Variants in DCLRE1C observed in about 807,000 individuals in gnomAD.
DCLRE1C encodes the protein DNA cross-link repair 1C.
DCLRE1C carries 47 observed loss-of-function variants against 61.4 expected under a neutral mutation model. The ratio of observed to expected loss-of-function variants is 0.77; its 90% CI spans 0.61 to 0.98. DCLRE1C has a LOEUF of 0.98. DCLRE1C is among the 50% of genes least tolerant of loss of function. The probability of loss-of-function intolerance (pLI) is 0.00; values close to 1 mark genes in which losing one functional copy is unlikely to be tolerated. For missense variants in DCLRE1C, 858 were observed against 816.0 expected, an observed-to-expected ratio of 1.05 and a Z score of -0.63; for synonymous variants, 337 against 287.6, an observed-to-expected ratio of 1.17 and a Z score of -1.74.
intron 1 of DCLRE1C, 143 bp from the exon 2 acceptor site, chr10:14,949,230 G>A (rs1370979158): frequency 2.3e-5 from 15 of 663,018 alleles, no homozygotes; most frequent in Non-Finnish European, 3.8e-5. Context: ...TGGGCTATGA[G>A]CTCTTTCTTC....
intron 13 of DCLRE1C, among the ~76,000 whole-genome samples, chr10:14,914,494 CAT>C (rs1240500652): frequency 1.3e-5 from 2 of 152,218 alleles, no homozygotes; most frequent in Admixed American, 1.3e-4. Context: ...ACCTGAACAA[CAT>C]TGTCAACTAA....
At position 14,932,922 on chromosome 10, in the gene DCLRE1C, T is replaced by G. The variant is rs757591183; in HGVS notation, c.712A>C (p.Met238Leu). The G allele has an allele frequency of 3.7e-6, 6 of 1,614,258 alleles. No individual in the cohort carries two copies. In the South Asian group the frequency reaches 6.6e-5, roughly 18 times the overall value. Residue 238 changes from methionine (M) to leucine (L), a missense_variant, in exon 9 of 14, where the codon ATG becomes CTG. Around this residue, in one of 2 missense-constraint regions of DCLRE1C, gnomAD observed 843 missense variants for 783.5 expected, o/e 1.08. Transcript: ENST00000378278. ...HVNKLDMFRN[M>L]PEILHHLTTD... ...GTGAGATGATGAAGGATCTCAGGCA[T>G]GTTCCTAAACATGTCTAGCTTATTC... is the stretch of plus-strand genomic sequence containing the variant.
downstream of DCLRE1C, chr10:14,901,175 C>G (rs1284968606): frequency 3.1e-6 from 5 of 1,613,816 alleles, no homozygotes; most frequent in Non-Finnish European, 4.2e-6. Context: ...CATTGATAAC[C>G]TCGATACTCG....
chr10:14,922,316 C>G (rs934599972), intron 12 of DCLRE1C, among the ~76,000 whole-genome samples: 1 of 152,000 alleles, frequency 6.6e-6, no homozygotes, highest in Non-Finnish European at 1.5e-5. Flanking sequence ...TGGCATGCAC[C>G]TGTAGTCACA....
In DCLRE1C at chr10:14,953,997, T is replaced by G; in HGVS notation, c.14A>C (p.Glu5Ala). ...AGTTGGATACTCGGCCATCTGCCCCTCGAAAGAACTCATAGCGCCGCCGAT... is the reference window on the plus strand; with the variant it reads ...AGTTGGATACTCGGCCATCTGCCCCGCGAAAGAACTCATAGCGCCGCCGAT... MSSF[E>A]GQMAEYPTIS... is the part of the protein sequence containing the mutation. The change falls in exon 1 of 14, where the codon GAG becomes GCG. Residue 5 changes from glutamate to alanine, a missense_variant. Around this residue, in one of 2 missense-constraint regions of DCLRE1C, gnomAD observed 15 missense variants for 32.5 expected, o/e 0.46. Transcript: ENST00000378278. 6.2e-7 allele frequency: 1 copy of G among 1,613,928 alleles called. No individual in the cohort carries two copies. The highest frequency in any genetic ancestry group is 8.5e-7 in the Non-Finnish European group (1 of 1,179,888).
intron 13 of DCLRE1C, 65 bp from the exon 14 acceptor site, chr10:14,909,395 C>T: frequency 6.9e-7 from 1 of 1,444,342 alleles, no homozygotes. Context: ...TAGTATTTAT[C>T]TGTACTTTTA....
downstream of DCLRE1C, among the ~76,000 whole-genome samples, chr10:14,899,966 C>T (rs10430783): frequency 0.4 from 60,281 of 151,940 alleles, 13,524 homozygotes; most frequent in African/African-American, 0.61. Flanking sequence ...GTAGGTATTA[C>T]TTTCATATTA....
intron 6 of DCLRE1C, among the ~76,000 whole-genome samples, chr10:14,935,185 G>A (rs1318518097): frequency 3.3e-5 from 5 of 151,984 alleles, no homozygotes; most frequent in African/African-American, 1.2e-4. Flanking sequence ...CTGTACAAGA[G>A]GCCAGGCACA....
At chr10:14,945,510 A>G in intron 2 of DCLRE1C, 3 of 1,133,862 alleles carry the variant, frequency 2.6e-6, no homozygotes, top group Non-Finnish European at 3.3e-6. Flanking sequence ...CTCCTCCAAC[A>G]GTGGTCCCTC....
At chr10:14,901,088 G>T, downstream of DCLRE1C, 1 of 1,605,902 alleles carries the variant, frequency 6.2e-7, no homozygotes, top group Non-Finnish European at 8.5e-7. Flanking sequence ...AGAAGGGCTT[G>T]TTTACACCGT....
At chr10:14,920,934 G>A (rs936257772) in intron 12 of DCLRE1C, among the ~76,000 whole-genome samples, 5 of 152,006 alleles carry the variant, frequency 3.3e-5, no homozygotes, top group African/African-American at 1.2e-4. Context: ...AGTGAGCCGA[G>A]GTTGCACCAC....
chr10:14,919,910 T>G, intron 12 of DCLRE1C, 78 bp from the exon 13 acceptor site: 4 of 1,206,612 alleles, frequency 3.3e-6, no homozygotes, highest in South Asian at 2.5e-5. Context: ...GTATTACAAA[T>G]TTTTTTGATT....
At chr10:14,937,626 C>T (rs1589087498) in intron 4 of DCLRE1C, among the ~76,000 whole-genome samples, 1 of 152,054 alleles carries the variant, frequency 6.6e-6, no homozygotes, top group Non-Finnish European at 1.5e-5. Flanking sequence ...TGCGGTGGCT[C>T]ATGCCTGTAA....
At chr10:14,914,145 C>T (rs1054830647) in intron 13 of DCLRE1C, among the ~76,000 whole-genome samples, 1 of 152,110 alleles carries the variant, frequency 6.6e-6, no homozygotes, top group Non-Finnish European at 1.5e-5. Context: ...CAACATACTG[C>T]TTACAAGAAA....
chr10:14,953,833 C>T (rs1216090474), intron 1 of DCLRE1C, 69 bp downstream of exon 1: 1 of 1,598,678 alleles, frequency 6.3e-7, no homozygotes, highest in Non-Finnish European at 8.5e-7. Context: ...TGCTCCAGGG[C>T]CGGCCCCCTC....
Position 14,932,886 on chromosome 10 carries a change from T to C in DCLRE1C, c.748A>G (p.Asn250Asp). The C allele has an allele frequency of 6.2e-7, 1 of 1,614,208 alleles. No homozygotes were observed. Among genetic ancestry groups the C allele is most frequent in the Non-Finnish European group, 8.5e-7 (1 of 1,180,028 alleles). ...EILHHLTTDR[N>D]TQIHACRHPK... ...TGCCGGCATGCATGGATCTGAGTGT[T>C]GCGGTCTGTTGTGAGATGATGAAGG... The change falls in exon 9 of 14, where the codon AAC (asparagine) becomes GAC (aspartate). Residue 250 changes from asparagine to aspartate, a missense_variant. Transcript: ENST00000378278.
chr10:14,927,103 C>T (rs567539509), intron 10 of DCLRE1C, among the ~76,000 whole-genome samples: 6 of 152,254 alleles, frequency 3.9e-5, no homozygotes, highest in East Asian at 1.9e-4. Context: ...TGTTGTAGAC[C>T]GCGTGTGGTG....
intron 12 of DCLRE1C, among the ~76,000 whole-genome samples, chr10:14,921,222 A>C (rs1837061008): frequency 6.6e-6 from 1 of 151,814 alleles, no homozygotes; most frequent in South Asian, 2.1e-4. Flanking sequence ...CGGGAGGCTG[A>C]GGCAGGAGAA....
chr10:14,948,004 C>T (rs919676506), intron 2 of DCLRE1C, among the ~76,000 whole-genome samples: 3 of 152,160 alleles, frequency 2.0e-5, no homozygotes, highest in East Asian at 1.9e-4. Context: ...GAGCTGAGAT[C>T]GTGCCACTGC....
Sources: gnomAD v4.1 joint callset for allele counts (sites outside exome capture counted in the v4.1 genomes callset) on GRCh38, gnomAD v4.1.1 for gene constraint, gnomAD v4.1.1 regional missense constraint, MANE v1.5 for transcripts, NCBI Gene and HGNC (gene_info 2026-07-23, HGNC 2026-07-21) for gene names.